VGLL4: variants seen among roughly 807,000 people sequenced by gnomAD.
VGLL4 encodes vestigial like family member 4.
A neutral mutation model predicts 21.0 loss-of-function variants in VGLL4; 7 were observed. The ratio of observed to expected loss-of-function variants is 0.33; its 90% CI spans 0.19 to 0.63. The LOEUF (loss-of-function observed/expected upper bound fraction) is 0.63. VGLL4 is among the 20% of genes least tolerant of loss of function. The pLI, the probability that VGLL4 is intolerant of heterozygous loss-of-function variation, is 0.78. For synonymous variants in VGLL4, 222 were observed against 173.2 expected, an observed-to-expected ratio of 1.28 and a Z score of -2.21; for missense variants, 394 against 425.7, an observed-to-expected ratio of 0.93 and a Z score of 0.66.
At chr3:11,626,707 C>G (rs992373302) in intron 1 of VGLL4, among the ~76,000 whole-genome samples, 1 of 152,130 alleles carries the variant, frequency 6.6e-6, no homozygotes, top group African/African-American at 2.4e-5. Flanking sequence ...TTGGCTGAAA[C>G]TTCCCAAACA....
chr3:11,716,264 T>C (rs183570938), intron 1 of VGLL4, among the ~76,000 whole-genome samples: 1 of 143,172 alleles, frequency 7.0e-6, no homozygotes, highest in Non-Finnish European at 1.5e-5. Context: ...ATCGCGCCAC[T>C]GCACTCCAGC....
At chr3:11,602,561 C>T (rs968746834) in intron 1 of VGLL4, among the ~76,000 whole-genome samples, 1 of 152,078 alleles carries the variant, frequency 6.6e-6, no homozygotes, top group Admixed American at 6.5e-5. Flanking sequence ...ATAAATACAT[C>T]GTTTAATGGG....
chr3:11,606,768 G>T (rs1254912027), intron 1 of VGLL4, among the ~76,000 whole-genome samples: 1 of 152,084 alleles, frequency 6.6e-6, no homozygotes, highest in Non-Finnish European at 1.5e-5. Context: ...ACATAGGCAG[G>T]GACAAATAAG....
At chr3:11,662,620 C>G (rs3936385) in intron 2 of VGLL4, among the ~76,000 whole-genome samples, 3,026 of 152,342 alleles carry the variant, frequency 0.02, 94 homozygotes, top group African/African-American at 0.065. Flanking sequence ...CTCTATTCCA[C>G]AATTTCTCCT....
At chr3:11,592,194 G>A (rs2074516718) in intron 2 of VGLL4, among the ~76,000 whole-genome samples, 2 of 152,236 alleles carry the variant, frequency 1.3e-5, no homozygotes, top group Non-Finnish European at 2.9e-5. Flanking sequence ...AATACTTAAA[G>A]TAAATTATAA....
chr3:11,676,872 A>G (rs2076298771), intron 2 of VGLL4, among the ~76,000 whole-genome samples: 1 of 152,232 alleles, frequency 6.6e-6, no homozygotes, highest in Admixed American at 6.5e-5. Flanking sequence ...CTGCCACAGT[A>G]GCACTGTAAA....
intron 2 of VGLL4, among the ~76,000 whole-genome samples, chr3:11,662,410 A>G (rs1346091094): frequency 6.6e-6 from 1 of 152,276 alleles, no homozygotes; most frequent in African/African-American, 2.4e-5. Context: ...AAAACAATAC[A>G]TTGGGAAGGC....
chr3:11,666,378 GGAA>G (rs747401349), intron 2 of VGLL4, among the ~76,000 whole-genome samples: 2 of 152,158 alleles, frequency 1.3e-5, no homozygotes, highest in Admixed American at 6.5e-5. Context: ...GCATGAGATG[GGAA>G]GCTCCTGGAG....
intron 2 of VGLL4, among the ~76,000 whole-genome samples, chr3:11,669,740 T>C (rs1291380767): frequency 6.6e-6 from 1 of 152,028 alleles, no homozygotes; most frequent in Non-Finnish European, 1.5e-5. Context: ...AGAACAATGG[T>C]GTGATCACAG....
intron 2 of VGLL4, 48 bp downstream of exon 2, chr3:11,601,785 C>T: frequency 1.3e-6 from 2 of 1,598,474 alleles, no homozygotes; most frequent in Non-Finnish European, 1.7e-6. Flanking sequence ...ACAAATAAGG[C>T]CCCAGCACGG....
At chr3:11,570,497 G>T (rs2125162883) in intron 2 of VGLL4, among the ~76,000 whole-genome samples, 1 of 152,284 alleles carries the variant, frequency 6.6e-6, no homozygotes, top group African/African-American at 2.4e-5. Context: ...GGCTGACACT[G>T]CAGCCCCCAC....
chr3:11,601,809 C>G, intron 2 of VGLL4, 24 bp downstream of exon 2: 1 of 1,612,038 alleles, frequency 6.2e-7, no homozygotes, highest in Non-Finnish European at 8.5e-7. Flanking sequence ...ACCCTTAAGC[C>G]AAAATAAGAA....
intron 2 of VGLL4, among the ~76,000 whole-genome samples, chr3:11,571,642 G>A (rs149091881): frequency 1.3e-5 from 2 of 152,340 alleles, no homozygotes; most frequent in African/African-American, 4.8e-5. Flanking sequence ...ACTCCAGCCT[G>A]GGCAACAGGG....
intron 1 of VGLL4, among the ~76,000 whole-genome samples, chr3:11,624,577 C>T (rs1427837198): frequency 6.6e-6 from 1 of 152,016 alleles, no homozygotes; most frequent in East Asian, 1.9e-4. Context: ...CATTAAGTAA[C>T]CCTCCCATGC....
At chr3:11,567,910 G>A (rs1016730500) in intron 2 of VGLL4, among the ~76,000 whole-genome samples, 3 of 152,230 alleles carry the variant, frequency 2.0e-5, no homozygotes, top group Admixed American at 6.5e-5. Context: ...TTCATGAAGT[G>A]CATAGACCTG....
At chr3:11,647,534 A>C (rs1559922287), upstream of VGLL4, among the ~76,000 whole-genome samples, 1 of 152,174 alleles carries the variant, frequency 6.6e-6, no homozygotes, top group Non-Finnish European at 1.5e-5. Flanking sequence ...CCAGTTGAGC[A>C]TCTCTAATTT....
At chr3:11,649,548 A>T (rs1475081592) in intron 2 of VGLL4, among the ~76,000 whole-genome samples, 3 of 152,248 alleles carry the variant, frequency 2.0e-5, no homozygotes, top group Non-Finnish European at 4.4e-5. Flanking sequence ...GTGAGACATA[A>T]GCAATGGATA....
chr3:11,565,150 C>T lies in VGLL4; in HGVS notation c.273-131G>A, dbSNP rs1371425170. On this transcript the variant is annotated intron_variant, in intron 2 of 4. Coordinates refer to ENST00000430365, the MANE Select transcript of VGLL4 (RefSeq NM_001128219.3). This position sits in a 1 kb window ranked among gnomAD's most constrained non-coding sequence, Gnocchi z 4.1. ...GCTCAGGTCGTGTGGCTGGGCAGCA[C>T]GATGAGGAGCCGGTTGCCAGCCCGG... 8.1e-5 allele frequency: 75 copies of T among 931,096 alleles called. No individual in the cohort carries two copies. Among genetic ancestry groups the T allele is most frequent in the Non-Finnish European group, 1.0e-4 (70 of 687,412 alleles). 57.7% of individuals were successfully genotyped at this position (931,096 alleles called of 1,614,324 possible).
intron 2 of VGLL4, among the ~76,000 whole-genome samples, chr3:11,579,072 T>C (rs2074148646): frequency 6.6e-6 from 1 of 152,128 alleles, no homozygotes; most frequent in Non-Finnish European, 1.5e-5. Flanking sequence ...TTTAAAGTAC[T>C]AATAGACCGT....
Sources: allele counts gnomAD v4.1 joint callset (sites outside exome capture counted in the v4.1 genomes callset), GRCh38; gene constraint gnomAD v4.1.1; non-coding constraint Gnocchi (gnomAD v3.1); transcripts MANE v1.5; gene names NCBI Gene and HGNC (gene_info 2026-07-23, HGNC 2026-07-21).